The following CDH10 variants were observed in gnomAD, a reference collection of about 807,000 sequenced individuals.
The protein encoded by CDH10 is cadherin 10, also known as cadherin-10.
In CDH10, 30 loss-of-function variants were observed where a neutral mutation model predicts 73.1. That is an observed-to-expected ratio of 0.41 (90% confidence interval 0.31 to 0.56). The LOEUF is 0.56. Among genes scored for constraint, CDH10 ranks in the 20% least tolerant of loss-of-function variants. The pLI, the probability that CDH10 is intolerant of heterozygous loss-of-function variation, is 0.27. For missense variants in CDH10, 815 were observed against 973.7 expected (o/e 0.84, Z 2.17); for synonymous variants, 345 against 348.2 (o/e 0.99, Z 0.10).
intron 2 of CDH10, among the ~76,000 whole-genome samples, chr5:24,592,291 A>C (rs983246695): frequency 6.6e-6 from 1 of 151,814 alleles, no homozygotes; most frequent in African/African-American, 2.4e-5. Flanking sequence ...AAGATATTAT[A>C]GTTAAGGTTA....
chr5:24,551,240 C>T (rs78739099), intron 2 of CDH10, among the ~76,000 whole-genome samples: 3 of 152,124 alleles, frequency 2.0e-5, no homozygotes, highest in East Asian at 3.9e-4. Context: ...CACTCCCTCA[C>T]TTATAATTTT....
intron 2 of CDH10, among the ~76,000 whole-genome samples, chr5:24,544,707 G>A (rs1281248508): frequency 2.6e-5 from 4 of 152,146 alleles, no homozygotes; most frequent in African/African-American, 7.2e-5. Context: ...TGGAGATGTA[G>A]GAGCTCTCTT....
At chr5:24,565,614 C>T (rs1466146777) in intron 2 of CDH10, among the ~76,000 whole-genome samples, 1 of 152,070 alleles carries the variant, frequency 6.6e-6, no homozygotes, top group Admixed American at 6.5e-5. Context: ...AGCCCTAATT[C>T]CCAGAATAAT....
At chr5:24,508,468 G>A (rs1742777606) in intron 7 of CDH10, among the ~76,000 whole-genome samples, 1 of 152,176 alleles carries the variant, frequency 6.6e-6, no homozygotes, top group African/African-American at 2.4e-5. Flanking sequence ...TTTGATGGCT[G>A]TGCATTAGGG....
At chr5:24,563,129 T>C (rs1043972316) in intron 2 of CDH10, among the ~76,000 whole-genome samples, 1 of 152,214 alleles carries the variant, frequency 6.6e-6, no homozygotes, top group Non-Finnish European at 1.5e-5. Context: ...CATTTAGTTG[T>C]CTTGACTTTC....
intron 2 of CDH10, among the ~76,000 whole-genome samples, chr5:24,553,398 AT>A (rs1240929526): frequency 2.6e-5 from 4 of 151,622 alleles, no homozygotes; most frequent in Non-Finnish European, 4.4e-5. Flanking sequence ...CCTCTGCTCC[AT>A]TTTTCTTGCT....
intron 1 of CDH10, among the ~76,000 whole-genome samples, chr5:24,608,298 T>A (rs1030003221): frequency 2.0e-5 from 3 of 152,090 alleles, no homozygotes; most frequent in Non-Finnish European, 4.4e-5. Context: ...AATGTTTTTT[T>A]TTATTATTAT....
intron 2 of CDH10, among the ~76,000 whole-genome samples, chr5:24,585,988 G>C (rs1745979988): frequency 6.6e-6 from 1 of 152,124 alleles, no homozygotes; most frequent in African/African-American, 2.4e-5. Flanking sequence ...AATTGAAAAA[G>C]CTCAGTCGTC....
At chr5:24,598,219 G>A (rs935686643) in intron 1 of CDH10, among the ~76,000 whole-genome samples, 1 of 151,812 alleles carries the variant, frequency 6.6e-6, no homozygotes, top group Non-Finnish European at 1.5e-5. Flanking sequence ...TTGAATCAAA[G>A]CATTACACTA....
intron 5 of CDH10, among the ~76,000 whole-genome samples, chr5:24,534,730 C>G: frequency 6.6e-6 from 1 of 152,000 alleles, no homozygotes; most frequent in East Asian, 1.9e-4. Context: ...AATTTAGGTT[C>G]CCCTTTATTT....
At chr5:24,570,176 C>T (rs1382133798) in intron 2 of CDH10, among the ~76,000 whole-genome samples, 2 of 152,042 alleles carry the variant, frequency 1.3e-5, no homozygotes, top group East Asian at 1.9e-4. Flanking sequence ...CTTTTGCATA[C>T]GATTTTAACA....
intron 2 of CDH10, among the ~76,000 whole-genome samples, chr5:24,582,375 A>C (rs2112058984): frequency 6.6e-6 from 1 of 152,334 alleles, no homozygotes; most frequent in South Asian, 2.1e-4. Context: ...AAATAGCCAA[A>C]ATTCTAGTAT....
At chr5:24,520,534 A>G (rs970345005) in intron 5 of CDH10, among the ~76,000 whole-genome samples, 1 of 152,164 alleles carries the variant, frequency 6.6e-6, no homozygotes, top group Non-Finnish European at 1.5e-5. Flanking sequence ...ATCAGTCTCA[A>G]TGATCAGATA....
chr5:24,558,929 C>T (rs562410621), intron 2 of CDH10, among the ~76,000 whole-genome samples: 1 of 151,764 alleles, frequency 6.6e-6, no homozygotes, highest in Non-Finnish European at 1.5e-5. Context: ...TAAATTAGTT[C>T]TATCTCATTC....
chr5:24,507,229 C>T (rs764114523), intron 7 of CDH10, among the ~76,000 whole-genome samples: 4 of 151,728 alleles, frequency 2.6e-5, no homozygotes, highest in Non-Finnish European at 4.4e-5. Flanking sequence ...CAAAGAATGA[C>T]ATCCAAGAAT....
intron 2 of CDH10, among the ~76,000 whole-genome samples, chr5:24,564,582 C>G (rs1463392325): frequency 6.6e-6 from 1 of 152,090 alleles, no homozygotes; most frequent in Non-Finnish European, 1.5e-5. Flanking sequence ...GAGCAAGTCC[C>G]CCACGGCCCC....
intron 2 of CDH10, among the ~76,000 whole-genome samples, chr5:24,569,440 TATTG>T (rs1745286310): frequency 6.6e-6 from 1 of 150,866 alleles, no homozygotes; most frequent in African/African-American, 2.4e-5. Context: ...TTTAGAAGCA[TATTG>T]ATTTAATAAA....
intron 2 of CDH10, among the ~76,000 whole-genome samples, chr5:24,540,240 A>G (rs1264201066): frequency 6.6e-6 from 1 of 151,938 alleles, no homozygotes; most frequent in Non-Finnish European, 1.5e-5. Flanking sequence ...GGAAATTTTT[A>G]TATGTTATTA....
chr5:24,535,876 A>G, intron 3 of CDH10, 54 bp from the exon 4 acceptor site: 5 of 1,394,550 alleles, frequency 3.6e-6, no homozygotes, highest in Non-Finnish European at 4.8e-6. Flanking sequence ...GAGGAGCAAA[A>G]GCACTGGTTT....
Sources: allele counts gnomAD v4.1 joint callset (sites outside exome capture counted in the v4.1 genomes callset), GRCh38; gene constraint gnomAD v4.1.1; transcripts MANE v1.5; gene names NCBI Gene and HGNC (gene_info 2026-07-23, HGNC 2026-07-21).